PGBD2: variants seen among roughly 807,000 people sequenced by gnomAD.
The protein encoded by PGBD2 is piggyBac transposable element derived 2.
Under a neutral mutation model 8.1 loss-of-function variants are expected in PGBD2, and 6 were observed. The ratio of observed to expected loss-of-function variants is 0.74; its 90% CI spans 0.40 to 1.46. The LOEUF (loss-of-function observed/expected upper bound fraction) is 1.46, where lower values mean the gene tolerates loss of function less well. Among genes scored for constraint, PGBD2 ranks in the 40% most tolerant of loss-of-function variants. PGBD2 has a pLI of 0.02. For synonymous variants in PGBD2, 318 were observed against 272.2 expected (o/e 1.17, Z -1.66); for missense variants, 802 against 739.0 (o/e 1.09, Z -0.99).
intron 1 of PGBD2, among the ~76,000 whole-genome samples, chr1:248,909,160 T>C (rs1302615023): frequency 6.6e-6 from 1 of 152,156 alleles, no homozygotes; most frequent in Admixed American, 6.5e-5. Context: ...TGGTTACCCA[T>C]GTCCTCTTCC....
At chr1:248,874,008 T>C in the PGBD2 span, among the ~76,000 whole-genome samples, 1 of 152,174 alleles carries the variant, frequency 6.6e-6, no homozygotes, top group East Asian at 1.9e-4. Context: ...CCCAGAATTT[T>C]CCCGGAGTCC....
upstream of PGBD2, among the ~76,000 whole-genome samples, chr1:248,902,933 G>A (rs942767369): frequency 5.9e-5 from 9 of 151,748 alleles, no homozygotes; most frequent in African/African-American, 2.2e-4. Flanking sequence ...GTGATGGGTT[G>A]ATCTGTGCAG....
In PGBD2 at chr1:248,913,860, A is replaced by C; in HGVS notation, c.-3A>C. 1 of 1,609,092 alleles carries C rather than the reference A, an allele frequency of 6.2e-7. No homozygotes were observed. Among genetic ancestry groups the C allele is most frequent in the Non-Finnish European group, 8.5e-7 (1 of 1,175,436 alleles). On this transcript the variant is annotated 5_prime_UTR_variant, in exon 2 of 3. Coordinates refer to ENST00000329291, the MANE Select transcript of PGBD2 (RefSeq NM_170725.3). ...AAAGACAGCTTCATCTTCCCAGTTC[A>C]TCATGGCTTCAACATCCAGGTAGGA...
At chr1:248,915,849 C>T (rs1662080121) in intron 2 of PGBD2, among the ~76,000 whole-genome samples, 1 of 152,140 alleles carries the variant, frequency 6.6e-6, no homozygotes, top group South Asian at 2.1e-4. Flanking sequence ...AGGGAAACTT[C>T]TATTTGTCAA....
At chr1:248,900,176 C>T in the PGBD2 span, among the ~76,000 whole-genome samples, 1 of 148,044 alleles carries the variant, frequency 6.8e-6, no homozygotes, top group Admixed American at 6.7e-5. Context: ...GAGCTGGTAA[C>T]ATTTCTTCTG....
At chr1:248,907,069 G>T (rs7544246) in intron 1 of PGBD2, among the ~76,000 whole-genome samples, 1 of 151,928 alleles carries the variant, frequency 6.6e-6, no homozygotes, top group African/African-American at 2.4e-5. Flanking sequence ...CACCAGCACC[G>T]GTCTCTGAGT....
At position 248,917,068 on chromosome 1, in the gene PGBD2, A is replaced by G. The variant is rs760267174; in HGVS notation, c.484A>G (p.Asn162Asp). The G allele has an allele frequency of 1.4e-5, 23 of 1,613,844 alleles. No homozygotes were observed. The highest frequency in any genetic ancestry group is 3.3e-4 in the Middle Eastern group (2 of 6,062). Residue 162 changes from asparagine (N) to aspartate (D), a missense_variant, in exon 3 of 3, where the codon AAT (asparagine) becomes GAT (aspartate). Transcript: ENST00000329291. Reference protein sequence around the residue: ...GTINFIVNETNRYAWQKNVNL... With the variant: ...GTINFIVNETDRYAWQKNVNL... ...AATTAATTTCATTGTTAATGAAACC[A>G]ATCGTTATGCTTGGCAGAAAAATGT...
chr1:248,890,169 C>T, the PGBD2 span, among the ~76,000 whole-genome samples: 1 of 152,016 alleles, frequency 6.6e-6, no homozygotes, highest in Non-Finnish European at 1.5e-5. Flanking sequence ...TCAAGTGATC[C>T]GCCTGACTCA....
chr1:248,903,607 A>C (rs141781204), upstream of PGBD2, among the ~76,000 whole-genome samples: 314 of 152,350 alleles, frequency 2.1e-3, 3 homozygotes, highest in African/African-American at 7.3e-3. Flanking sequence ...GCAAGCTTCA[A>C]GAAACCAGCA....
intron 1 of PGBD2, 46 bp from the exon 2 acceptor site, chr1:248,913,767 GCTT>G: frequency 2.1e-6 from 2 of 956,402 alleles, no homozygotes; most frequent in South Asian, 1.3e-5. Context: ...CTGTTGCCTT[GCTT>G]CTTAAGATAC....
intron 1 of PGBD2, among the ~76,000 whole-genome samples, chr1:248,911,800 G>A (rs1447365568): frequency 6.8e-6 from 1 of 147,800 alleles, no homozygotes; most frequent in African/African-American, 2.5e-5. Flanking sequence ...CGCTCCCCCA[G>A]CAAATTTTAA....
the PGBD2 span, among the ~76,000 whole-genome samples, chr1:248,885,862 A>G: frequency 6.6e-6 from 1 of 152,244 alleles, no homozygotes; most frequent in East Asian, 1.9e-4. Flanking sequence ...CTACACATGC[A>G]AATAGTTGCT....
the PGBD2 span, among the ~76,000 whole-genome samples, chr1:248,894,701 C>T: frequency 9.3e-3 from 1,213 of 129,888 alleles, 21 homozygotes; most frequent in African/African-American, 0.044. Context: ...CTCCCTCCCT[C>T]CTTTCTTTCT....
intron 1 of PGBD2, among the ~76,000 whole-genome samples, chr1:248,909,459 A>T (rs975159663): frequency 6.6e-6 from 1 of 152,166 alleles, no homozygotes; most frequent in Admixed American, 6.5e-5. Flanking sequence ...TCAAAGCCAA[A>T]TAGTAAAGAT....
chr1:248,883,789 G>A, the PGBD2 span, among the ~76,000 whole-genome samples: 322 of 151,538 alleles, frequency 2.1e-3, 2 homozygotes, highest in African/African-American at 7.5e-3. Flanking sequence ...AGTAGAGACT[G>A]GGTTTCACCA....
At chr1:248,912,677 T>A (rs1661940000) in intron 1 of PGBD2, 1 of 152,182 alleles carries the variant, frequency 6.6e-6, no homozygotes, top group Admixed American at 6.5e-5. Context: ...CCATATTTGA[T>A]TCAGATTTTT....
chr1:248,876,773 T>A, the PGBD2 span, among the ~76,000 whole-genome samples: 4 of 152,240 alleles, frequency 2.6e-5, no homozygotes, highest in African/African-American at 9.6e-5. Flanking sequence ...TCTACATCTC[T>A]GAAATAAAAG....
At chr1:248,882,909 A>AG in the PGBD2 span, among the ~76,000 whole-genome samples, 1 of 152,190 alleles carries the variant, frequency 6.6e-6, no homozygotes, top group Non-Finnish European at 1.5e-5. Flanking sequence ...CAATAGTTTC[A>AG]GGGGGTCTCC....
chr1:248,912,562 A>G (rs1048150310), intron 1 of PGBD2: 1 of 152,206 alleles, frequency 6.6e-6, no homozygotes, highest in Non-Finnish European at 1.5e-5. Context: ...AAGGGTTTCT[A>G]ATGTCTTTAC....
Sources: gnomAD v4.1 joint callset for allele counts (sites outside exome capture counted in the v4.1 genomes callset) on GRCh38, gnomAD v4.1.1 for gene constraint, MANE v1.5 for transcripts, NCBI Gene and HGNC (gene_info 2026-07-23, HGNC 2026-07-21) for gene names.